Variants in RELN observed in about 807,000 individuals in gnomAD.
RELN encodes reelin.
Under a neutral mutation model 427.6 loss-of-function variants are expected in RELN, and 108 were observed. The ratio of observed to expected loss-of-function variants is 0.25; its 90% confidence interval spans 0.22 to 0.30. RELN has a LOEUF of 0.30. Ranked by LOEUF, RELN falls within the 10% of genes least tolerant of loss-of-function variation. RELN has a pLI of 1.00. For missense variants in RELN, 3,715 were observed against 4,302.8 expected (o/e 0.86, Z 3.82); for synonymous variants, 1,524 against 1,513.4 (o/e 1.01, Z -0.16).
At chr7:103,509,262 G>A (rs1829317458) in intron 51 of RELN, among the ~76,000 whole-genome samples, 1 of 152,052 alleles carries the variant, frequency 6.6e-6, no homozygotes, top group South Asian at 2.1e-4. Flanking sequence ...ATACTATAAG[G>A]CAACAGTAAC....
At chr7:103,665,684 G>A (rs1300294669) in intron 11 of RELN, among the ~76,000 whole-genome samples, 1 of 152,070 alleles carries the variant, frequency 6.6e-6, no homozygotes, top group Middle Eastern at 3.4e-3. Flanking sequence ...AGTGTATGTA[G>A]GTATAGGTTT....
chr7:103,749,718 A>G (rs1790946024), intron 5 of RELN, among the ~76,000 whole-genome samples: 1 of 152,224 alleles, frequency 6.6e-6, no homozygotes, highest in African/African-American at 2.4e-5. Context: ...GGAAAACCAA[A>G]GACCCCAAAA....
At chr7:103,631,888 T>C (rs1256582585) in intron 19 of RELN, among the ~76,000 whole-genome samples, 2 of 152,092 alleles carry the variant, frequency 1.3e-5, no homozygotes, top group Non-Finnish European at 2.9e-5. Context: ...ATTATGTTAT[T>C]AGAAAGTTAT....
intron 28 of RELN, among the ~76,000 whole-genome samples, chr7:103,576,419 T>A (rs952681831): frequency 2.0e-5 from 3 of 152,198 alleles, no homozygotes; most frequent in Admixed American, 6.5e-5. Flanking sequence ...GGATTACAGA[T>A]GTGAGCCACC....
intron 4 of RELN, among the ~76,000 whole-genome samples, chr7:103,757,094 A>G (rs1180280271): frequency 6.6e-6 from 1 of 152,224 alleles, no homozygotes; most frequent in Non-Finnish European, 1.5e-5. Context: ...AGAATGATAT[A>G]GTTCAACATT....
chr7:103,872,037 T>A (rs10274697), intron 2 of RELN, among the ~76,000 whole-genome samples: 2 of 97,734 alleles, frequency 2.0e-5, no homozygotes, highest in East Asian at 2.8e-4. Flanking sequence ...TATATTTTTC[T>A]TTTTTCTTTT....
intron 1 of RELN, among the ~76,000 whole-genome samples, chr7:103,940,925 T>C (rs1796099626): frequency 6.6e-6 from 1 of 152,212 alleles, no homozygotes; most frequent in Admixed American, 6.5e-5. Context: ...GAAGGACATT[T>C]TGGATTCCAT....
intron 3 of RELN, among the ~76,000 whole-genome samples, chr7:103,795,006 A>G (rs1792265096): frequency 6.6e-6 from 1 of 152,216 alleles, no homozygotes; most frequent in African/African-American, 2.4e-5. Context: ...AAATGTTTCA[A>G]ATTTGGCTCA....
At chr7:103,598,426 T>C (rs1361649073) in intron 24 of RELN, among the ~76,000 whole-genome samples, 1 of 152,204 alleles carries the variant, frequency 6.6e-6, no homozygotes, top group Admixed American at 6.5e-5. Flanking sequence ...AGAATGATTT[T>C]TGGAAGAAAA....
intron 11 of RELN, among the ~76,000 whole-genome samples, chr7:103,673,130 G>A (rs999542746): frequency 6.6e-6 from 1 of 151,814 alleles, no homozygotes; most frequent in African/African-American, 2.4e-5. Context: ...TTACTGGTAT[G>A]TTTGAATTGG....
intron 19 of RELN, among the ~76,000 whole-genome samples, chr7:103,635,087 C>T (rs554581904): frequency 1.3e-5 from 2 of 152,224 alleles, no homozygotes; most frequent in South Asian, 4.2e-4. Flanking sequence ...TCTCAATCTC[C>T]TGACCTCGTG....
intron 1 of RELN, among the ~76,000 whole-genome samples, chr7:103,943,159 A>G (rs1262502364): frequency 6.6e-6 from 1 of 152,134 alleles, no homozygotes; most frequent in East Asian, 1.9e-4. Context: ...ATCATTGAAA[A>G]CCTAGTTTTC....
At chr7:103,863,874 C>G (rs1208556806) in intron 2 of RELN, among the ~76,000 whole-genome samples, 2 of 151,858 alleles carry the variant, frequency 1.3e-5, no homozygotes, top group Non-Finnish European at 2.9e-5. Context: ...GAAGAAATCA[C>G]TGTTTTGTTG....
At chr7:103,799,272 C>T (rs1320104045) in intron 3 of RELN, among the ~76,000 whole-genome samples, 1 of 152,110 alleles carries the variant, frequency 6.6e-6, no homozygotes, top group Non-Finnish European at 1.5e-5. Context: ...TAAAGATGGT[C>T]TCAAATAATG....
chr7:103,702,022 T>C (rs988528873), intron 8 of RELN, among the ~76,000 whole-genome samples: 1 of 152,178 alleles, frequency 6.6e-6, no homozygotes, highest in African/African-American at 2.4e-5. Flanking sequence ...GAACTGGCAA[T>C]GTACTAAAAA....
chr7:103,797,825 G>T (rs1335320295), intron 3 of RELN, among the ~76,000 whole-genome samples: 3 of 152,142 alleles, frequency 2.0e-5, no homozygotes, highest in Admixed American at 1.3e-4. Flanking sequence ...CAAGAAAGGA[G>T]GTAACAAATC....
intron 6 of RELN, among the ~76,000 whole-genome samples, chr7:103,737,391 TA>T (rs1465552538): frequency 6.6e-6 from 1 of 152,230 alleles, no homozygotes; most frequent in Non-Finnish European, 1.5e-5. Flanking sequence ...TCTTTCTGAT[TA>T]CCTAGAAAAT....
At chr7:103,572,576 G>A (rs1377001283) in intron 30 of RELN, among the ~76,000 whole-genome samples, 1 of 150,634 alleles carries the variant, frequency 6.6e-6, no homozygotes, top group African/African-American at 2.5e-5. Context: ...TTGCTCTGTT[G>A]CCCAGGCTGG....
chr7:103,728,809 A>C (rs1335232397), intron 6 of RELN, among the ~76,000 whole-genome samples: 1 of 152,186 alleles, frequency 6.6e-6, no homozygotes, highest in Non-Finnish European at 1.5e-5. Context: ...CCATGCTAAA[A>C]ACAATGAAAT....
Sources: gnomAD v4.1 joint callset for allele counts (sites outside exome capture counted in the v4.1 genomes callset) on GRCh38, gnomAD v4.1.1 for gene constraint, MANE v1.5 for transcripts, NCBI Gene and HGNC (gene_info 2026-07-23, HGNC 2026-07-21) for gene names.